TTC19: variants seen among roughly 807,000 people sequenced by gnomAD.
The protein encoded by TTC19 is tetratricopeptide repeat protein 19, mitochondrial.
In TTC19, 38 loss-of-function variants were observed where a neutral mutation model predicts 49.5. That is an observed-to-expected ratio of 0.77 (90% CI 0.59 to 1.01). The LOEUF is 1.01. Ranked by LOEUF, TTC19 falls within the 50% of genes least tolerant of loss-of-function variation. The pLI, the probability that TTC19 is intolerant of heterozygous loss-of-function variation, is 0.00. For missense variants in TTC19, 475 were observed against 477.7 expected, an observed-to-expected ratio of 0.99 and a Z score of 0.05; for synonymous variants, 204 against 185.2, an observed-to-expected ratio of 1.10 and a Z score of -0.83.
chr17:16,027,852 T>G lies in TTC19; in HGVS notation c.*330T>G, dbSNP rs1371399071. 6.3e-6 allele frequency: 3 copies of G among 478,306 alleles called. No individual in the cohort carries two copies. Among genetic ancestry groups the G allele is most frequent in the Non-Finnish European group, 8.3e-6 (2 of 242,242 alleles). 29.6% of individuals were successfully genotyped at this position (478,306 alleles called of 1,614,324 possible). ...TTCCTGTGCGCTGTGGGTGTGGTGA[T>G]TCAGCCTGGCATTTCTACCATAAGT... On this transcript the variant is annotated 3_prime_UTR_variant, in exon 10 of 10. Transcript: ENST00000261647.
At chr17:16,022,940 A>G (rs1971429998) in intron 7 of TTC19, among the ~76,000 whole-genome samples, 1 of 152,114 alleles carries the variant, frequency 6.6e-6, no homozygotes, top group South Asian at 2.1e-4. Context: ...AACGATTCCA[A>G]TATATTTCTC....
chr17:16,044,547 T>A, exon 3 of TTC19: 1 of 500,848 alleles, frequency 2.0e-6, no homozygotes, highest in Non-Finnish European at 4.1e-6. Flanking sequence ...TAAGGCCACG[T>A]TGGGATGAGG....
intron 2 of TTC19, among the ~76,000 whole-genome samples, chr17:16,000,876 C>G (rs1243114113): frequency 1.3e-5 from 2 of 152,216 alleles, no homozygotes; most frequent in African/African-American, 4.8e-5. Flanking sequence ...CTTTCGCCAT[C>G]TCTTTACTAC....
chr17:16,025,720 A>T (rs1384472451), intron 8 of TTC19, among the ~76,000 whole-genome samples: 1 of 152,212 alleles, frequency 6.6e-6, no homozygotes, highest in Admixed American at 6.5e-5. Context: ...CATCCGAGTA[A>T]GTTCTTAGAT....
chr17:16,039,353 T>C, intron 2 of TTC19: 1 of 1,299,870 alleles, frequency 7.7e-7, no homozygotes, highest in Non-Finnish European at 1.1e-6. Context: ...TGAAATGTCT[T>C]AGTGATGCAT....
chr17:16,019,364 AAT>A (rs1033241971), intron 7 of TTC19, among the ~76,000 whole-genome samples: 5 of 152,202 alleles, frequency 3.3e-5, no homozygotes, highest in South Asian at 2.1e-4. Context: ...CAATAGGGCT[AAT>A]ATGTTTTTAA....
chr17:16,017,565 G>A (rs897134586), intron 7 of TTC19, among the ~76,000 whole-genome samples: 1 of 151,610 alleles, frequency 6.6e-6, no homozygotes, highest in African/African-American at 2.4e-5. Flanking sequence ...TTCAAGACCA[G>A]CCTGGCCAAC....
intron 7 of TTC19, among the ~76,000 whole-genome samples, chr17:16,019,566 T>C (rs1330250984): frequency 6.8e-6 from 1 of 146,892 alleles, no homozygotes. Context: ...CTCTAATTAA[T>C]CCACTGGGGT....
intron 7 of TTC19, among the ~76,000 whole-genome samples, chr17:16,020,378 T>G (rs1269381628): frequency 6.6e-6 from 1 of 152,244 alleles, no homozygotes; most frequent in East Asian, 1.9e-4. Flanking sequence ...TTCTTAACGA[T>G]TCGTAAGAGT....
At chr17:16,001,853 G>C (rs1970746418) in intron 2 of TTC19, 62 bp from the exon 3 acceptor site, 1 of 1,131,960 alleles carries the variant, frequency 8.8e-7, no homozygotes, top group Non-Finnish European at 1.3e-6. Context: ...ATACACTTCT[G>C]TCTCTTAGCA....
At chr17:16,000,786 T>C (rs1200135146) in intron 2 of TTC19, among the ~76,000 whole-genome samples, 1 of 152,196 alleles carries the variant, frequency 6.6e-6, no homozygotes, top group Non-Finnish European at 1.5e-5. Flanking sequence ...TGACATGCCA[T>C]TTGCACTTTA....
intron 2 of TTC19, among the ~76,000 whole-genome samples, chr17:16,001,320 A>G (rs146365454): frequency 2.0e-5 from 3 of 152,098 alleles, no homozygotes; most frequent in Admixed American, 6.5e-5. Flanking sequence ...CTGGCTCACC[A>G]TCCTCCCTTC....
At chr17:16,040,926 G>C (rs2057443701) in intron 2 of TTC19, 1 of 173,036 alleles carries the variant, frequency 5.8e-6, no homozygotes, top group African/African-American at 2.4e-5. Context: ...AAAGGGAAAG[G>C]AACTTTGCAC....
intron 7 of TTC19, among the ~76,000 whole-genome samples, chr17:16,019,992 T>C (rs1971323958): frequency 6.9e-6 from 1 of 145,428 alleles, no homozygotes; most frequent in Non-Finnish European, 1.5e-5. Context: ...AAGCCAGGCA[T>C]GCTGGTGGGT....
chr17:16,033,223 T>C (rs1323360352), downstream of TTC19, among the ~76,000 whole-genome samples: 3 of 150,482 alleles, frequency 2.0e-5, no homozygotes, highest in Non-Finnish European at 4.4e-5. Flanking sequence ...TAATCCCAGC[T>C]AGTCGGGAGG....
intron 2 of TTC19, among the ~76,000 whole-genome samples, chr17:16,043,819 G>A (rs1164946459): frequency 6.6e-6 from 1 of 152,210 alleles, no homozygotes; most frequent in African/African-American, 2.4e-5. Context: ...TTGAGGAGCT[G>A]TAAATAATAG....
At position 16,021,350 on chromosome 17, in the gene TTC19, T is replaced by A. The variant is rs369954902; in HGVS notation, c.677-3667T>A. ...TTGCAGTGAGCTGAGATTTTGCAACTGCACTGCAGCCTGGGCGACAGAGTG... is the reference window on the plus strand; with the variant it reads ...TTGCAGTGAGCTGAGATTTTGCAACAGCACTGCAGCCTGGGCGACAGAGTG... On this transcript the variant is annotated intron_variant, in intron 7 of 9. Transcript: ENST00000261647. 1.2e-4 allele frequency among the ~76,000 whole-genome samples: 19 copies of A among 152,314 alleles called. No individual in the cohort carries two copies. The East Asian group carries it at 2.7e-3, about 22-fold the overall frequency.
chr17:16,042,255 C>G (rs2057852087), intron 2 of TTC19, among the ~76,000 whole-genome samples: 1 of 152,112 alleles, frequency 6.6e-6, no homozygotes, highest in African/African-American at 2.4e-5. Flanking sequence ...TAAATTGAGC[C>G]TGAAACAGCA....
intron 7 of TTC19, among the ~76,000 whole-genome samples, chr17:16,010,571 T>G (rs1451201337): frequency 2.0e-5 from 3 of 151,672 alleles, no homozygotes; most frequent in Admixed American, 2.0e-4. Context: ...GCCTCCCCGG[T>G]TCAAGCGATT....
Sources: allele counts gnomAD v4.1 joint callset (sites outside exome capture counted in the v4.1 genomes callset), GRCh38; gene constraint gnomAD v4.1.1; transcripts MANE v1.5; gene names NCBI Gene and HGNC (gene_info 2026-07-23, HGNC 2026-07-21).